Variants in RTL4 observed in about 807,000 individuals in gnomAD.
RTL4 encodes the protein retrotransposon Gag like 4.
In RTL4, 4 loss-of-function variants were observed where a neutral mutation model predicts 5.3. That is an observed-to-expected ratio of 0.75 (90% CI 0.37 to 1.72). RTL4 has a LOEUF of 1.72. RTL4 is among the 40% of genes most tolerant of loss of function. The probability of loss-of-function intolerance (pLI) is 0.04; values close to 1 mark genes in which losing one functional copy is unlikely to be tolerated. For missense variants in RTL4, 260 were observed against 227.1 expected (o/e 1.14, Z -0.93); for synonymous variants, 98 against 87.3 (o/e 1.12, Z -0.68).
the RTL4 span, among the ~76,000 whole-genome samples, chrX:112,315,659 G>A: frequency 1.8e-5 from 2 of 111,351 alleles, no homozygotes; most frequent in East Asian, 2.8e-4. Context: ...TGTTTTATGT[G>A]CATGCATTTT....
chrX:112,455,263 A>C, exon 1 of RTL4: 2 of 1,211,451 alleles, frequency 1.7e-6, no homozygotes. Context: ...TAATGAAACC[A>C]ATCAGAGTGG....
At chrX:112,324,559 AT>A in the RTL4 span, among the ~76,000 whole-genome samples, 1 of 110,198 alleles carries the variant, frequency 9.1e-6, no homozygotes, top group African/African-American at 3.3e-5. Flanking sequence ...TTGATGTGCA[AT>A]TTTTTTTAAC....
chrX:112,229,590 A>G, the RTL4 span, among the ~76,000 whole-genome samples: 2 of 112,212 alleles, frequency 1.8e-5, no homozygotes, highest in Admixed American at 9.4e-5. Context: ...TCCCTGGGCC[A>G]CATTGGAAGA....
At chrX:112,163,871 C>T in the RTL4 span, among the ~76,000 whole-genome samples, 1 of 111,463 alleles carries the variant, frequency 9.0e-6, no homozygotes, top group Non-Finnish European at 1.9e-5. Context: ...ACAATGCTCT[C>T]CCACTCTGAG....
chrX:112,387,914 G>A, the RTL4 span, among the ~76,000 whole-genome samples: 42 of 111,570 alleles, frequency 3.8e-4, no homozygotes, highest in Non-Finnish European at 6.6e-4. Context: ...CTCTTTTATG[G>A]TTCTTTATGA....
the RTL4 span, among the ~76,000 whole-genome samples, chrX:112,145,826 C>A: frequency 9.0e-6 from 1 of 110,798 alleles, no homozygotes; most frequent in East Asian, 2.9e-4. Context: ...AGAAGGAATC[C>A]CAGCAGAAGA....
chrX:112,383,540 A>G, the RTL4 span, among the ~76,000 whole-genome samples: 1 of 112,303 alleles, frequency 8.9e-6, no homozygotes, highest in Non-Finnish European at 1.9e-5. Flanking sequence ...TTATTAAATA[A>G]AAACATTTAT....
At chrX:112,307,707 A>G in the RTL4 span, among the ~76,000 whole-genome samples, 1 of 111,723 alleles carries the variant, frequency 9.0e-6, no homozygotes, top group African/African-American at 3.3e-5. Flanking sequence ...ACTTTCACTC[A>G]TGATCCTCAC....
At chrX:112,215,841 C>T in the RTL4 span, among the ~76,000 whole-genome samples, 2 of 111,528 alleles carry the variant, frequency 1.8e-5, no homozygotes, top group Admixed American at 9.5e-5. Context: ...TATGGTAATT[C>T]TAAGCTTAGT....
the RTL4 span, among the ~76,000 whole-genome samples, chrX:112,164,220 TGTTGTCA>T: frequency 2.7e-5 from 3 of 111,109 alleles, no homozygotes; most frequent in African/African-American, 6.6e-5. Flanking sequence ...ATACTGCTTC[TGTTGTCA>T]GTTGATGGGG....
At chrX:112,189,419 C>T in the RTL4 span, among the ~76,000 whole-genome samples, 593 of 111,948 alleles carry the variant, frequency 5.3e-3, 4 homozygotes, top group Non-Finnish European at 5.6e-3. Flanking sequence ...GCAATAATAA[C>T]ATACATATTG....
At chrX:112,377,242 A>G in the RTL4 span, among the ~76,000 whole-genome samples, 1 of 111,998 alleles carries the variant, frequency 8.9e-6, no homozygotes, top group Non-Finnish European at 1.9e-5. Context: ...CCCTCAGCTT[A>G]TGATATGGTT....
chrX:112,275,360 G>T, the RTL4 span, among the ~76,000 whole-genome samples: 1 of 111,018 alleles, frequency 9.0e-6, no homozygotes, highest in East Asian at 2.8e-4. Flanking sequence ...ATTAGCTTTG[G>T]ACTAGCCCTA....
chrX:112,392,765 T>C, the RTL4 span, among the ~76,000 whole-genome samples: 1 of 111,825 alleles, frequency 8.9e-6, no homozygotes, highest in African/African-American at 3.3e-5. Flanking sequence ...TGGGGATAGC[T>C]GGAGACCCCA....
chrX:112,222,173 A>G, the RTL4 span, among the ~76,000 whole-genome samples: 1 of 111,751 alleles, frequency 8.9e-6, no homozygotes, highest in Non-Finnish European at 1.9e-5. Context: ...CCAGAAAAAC[A>G]GTTGATGGGA....
chrX:112,290,548 A>G, the RTL4 span, among the ~76,000 whole-genome samples: 1 of 111,893 alleles, frequency 8.9e-6, no homozygotes, highest in Non-Finnish European at 1.9e-5. Context: ...TATATTGCAT[A>G]TTCCCACTTG....
chrX:112,448,803 A>G, the RTL4 span, among the ~76,000 whole-genome samples: 1 of 111,681 alleles, frequency 9.0e-6, no homozygotes, highest in African/African-American at 3.3e-5. Flanking sequence ...ACTTGACTTA[A>G]TATCTCAGTG....
chrX:112,352,706 T>TA, the RTL4 span, among the ~76,000 whole-genome samples: 38,501 of 110,293 alleles, frequency 0.35, 6,746 homozygotes, highest in African/African-American at 0.68. Context: ...ACTTACATGT[T>TA]GGCCTAAAAA....
At chrX:112,222,328 A>G in the RTL4 span, among the ~76,000 whole-genome samples, 2 of 111,530 alleles carry the variant, frequency 1.8e-5, no homozygotes, top group African/African-American at 6.5e-5. Context: ...AAAGTCTGGA[A>G]GATCAAATAG....
Sources: allele counts gnomAD v4.1 joint callset (sites outside exome capture counted in the v4.1 genomes callset), GRCh38; gene constraint gnomAD v4.1.1; transcripts MANE v1.5; gene names NCBI Gene and HGNC (gene_info 2026-07-23, HGNC 2026-07-21).